VPS13B: variants seen among roughly 807,000 people sequenced by gnomAD.
VPS13B encodes the protein intermembrane lipid transfer protein VPS13B.
In VPS13B, 285 loss-of-function variants were observed where a neutral mutation model predicts 426.4. The ratio of observed to expected loss-of-function variants is 0.67; its 90% CI spans 0.61 to 0.74. VPS13B has a LOEUF of 0.74. Ranked by LOEUF, VPS13B falls within the 30% of genes least tolerant of loss-of-function variation. VPS13B has a pLI of 0.00. For missense variants in VPS13B, 4,537 were observed against 4,782.6 expected, an observed-to-expected ratio of 0.95 and a Z score of 1.51; for synonymous variants, 1,676 against 1,676.4, an observed-to-expected ratio of 1.00 and a Z score of 0.01.
chr8:99,658,349 A>G (rs1303479486), intron 34 of VPS13B, among the ~76,000 whole-genome samples: 1 of 152,166 alleles, frequency 6.6e-6, no homozygotes, highest in Non-Finnish European at 1.5e-5. Context: ...AATCAGTAAG[A>G]AAAAGAACTC....
intron 17 of VPS13B, among the ~76,000 whole-genome samples, chr8:99,225,066 T>C (rs909235599): frequency 1.5e-4 from 23 of 152,228 alleles, no homozygotes; most frequent in Admixed American, 1.3e-3. Context: ...ATTTGTGGGC[T>C]CTTCTCCTTT....
intron 31 of VPS13B, among the ~76,000 whole-genome samples, chr8:99,568,169 G>A (rs1050423374): frequency 2.6e-5 from 4 of 151,780 alleles, no homozygotes; most frequent in African/African-American, 4.8e-5. Context: ...AATAATGAAC[G>A]GTTTTGTAAG....
chr8:99,555,931 A>C (rs569970966), intron 30 of VPS13B, among the ~76,000 whole-genome samples: 53 of 152,294 alleles, frequency 3.5e-4, no homozygotes, highest in African/African-American at 1.2e-3. Flanking sequence ...TAGATTAAGA[A>C]GGCTCCATTA....
Position 99,056,163 on chromosome 8 carries a change from C to T in VPS13B, c.291+17597C>T, listed in dbSNP as rs199756735. 8.6e-5 allele frequency among the ~76,000 whole-genome samples: 13 copies of T among 151,824 alleles called. No homozygotes were observed. The East Asian group carries it at 2.5e-3, about 29-fold the overall frequency. ...CCTCCATCTCCCAGGCTTAAGTGAT[C>T]CTCCCACCCCAGCCTCCCAAGTAGC... On this transcript the variant is annotated intron_variant, in intron 3 of 61. Transcript: ENST00000357162.
rs1354647488 is a variant in VPS13B at position 99,776,918 on chromosome 8, A to T, written c.7391A>T (p.Glu2464Val). Reference sequence around the variant, plus strand: ...GTTTCTTTCCAGTTTGCTCACCTGGAATTCCATCTTTGTCATCACCTTGAC... The same window carrying T: ...GTTTCTTTCCAGTTTGCTCACCTGGTATTCCATCTTTGTCATCACCTTGAC... ...LCVSFQFAHL[E>V]FHLCHHLDQL... Residue 2464 changes from glutamate (E) to valine (V), a missense_variant, in exon 41 of 62, where the codon GAA (glutamate) becomes GTA (valine). Transcript: ENST00000357162. 1 of 1,614,032 alleles carries T rather than the reference A, an allele frequency of 6.2e-7. No individual in the cohort carries two copies. Among genetic ancestry groups the T allele is most frequent in the Admixed American group, 1.7e-5 (1 of 60,008 alleles).
intron 19 of VPS13B, among the ~76,000 whole-genome samples, chr8:99,379,217 A>G (rs547965159): frequency 1.3e-5 from 2 of 152,302 alleles, no homozygotes; most frequent in South Asian, 2.1e-4. Flanking sequence ...ATCCGTGGAA[A>G]AATTGTCTTC....
intron 14 of VPS13B, among the ~76,000 whole-genome samples, chr8:99,149,285 T>A (rs188465386): frequency 1.7e-3 from 252 of 152,374 alleles, no homozygotes; most frequent in Middle Eastern, 6.8e-3. Context: ...TATTGCTTTC[T>A]GAGTTTGACT....
At chr8:99,022,887 A>G (rs182514071) in intron 2 of VPS13B, among the ~76,000 whole-genome samples, 67 of 149,554 alleles carry the variant, frequency 4.5e-4, no homozygotes, top group Non-Finnish European at 5.5e-4. Flanking sequence ...TCTTTTTGGT[A>G]TTGTGGTCCC....
intron 2 of VPS13B, among the ~76,000 whole-genome samples, chr8:99,032,812 T>C (rs541326212): frequency 3.3e-5 from 5 of 152,176 alleles, no homozygotes; most frequent in African/African-American, 1.2e-4. Context: ...AGTGCTGAGA[T>C]TACAGGTGTG....
At chr8:99,492,392 C>G (rs548364439) in intron 25 of VPS13B, among the ~76,000 whole-genome samples, 2 of 152,336 alleles carry the variant, frequency 1.3e-5, no homozygotes, top group African/African-American at 4.8e-5. Flanking sequence ...AACCACCACT[C>G]TCTTTAGAGC....
At chr8:99,584,805 C>T (rs368209792) in intron 33 of VPS13B, among the ~76,000 whole-genome samples, 13 of 152,120 alleles carry the variant, frequency 8.5e-5, no homozygotes, top group East Asian at 3.9e-4. Context: ...GCCTCCTATG[C>T]GTCAAATACT....
intron 33 of VPS13B, among the ~76,000 whole-genome samples, chr8:99,627,125 G>C (rs1331802000): frequency 6.6e-6 from 1 of 152,086 alleles, no homozygotes; most frequent in African/African-American, 2.4e-5. Context: ...GGGGAAAGGA[G>C]GGGATGGGGA....
intron 17 of VPS13B, chr8:99,233,774 CCAAT>C (rs1267857166): frequency 2.6e-6 from 2 of 779,228 alleles, no homozygotes; most frequent in African/African-American, 3.4e-5. Context: ...GCCTTCTTTT[CCAAT>C]CAGTCTTCCA....
intron 19 of VPS13B, among the ~76,000 whole-genome samples, chr8:99,352,153 T>G (rs1210328945): frequency 1.3e-5 from 2 of 152,134 alleles, no homozygotes; most frequent in Non-Finnish European, 1.5e-5. Context: ...GGAAATAGAG[T>G]GGAAGCTACC....
At chr8:99,736,834 T>C (rs974888442) in intron 39 of VPS13B, among the ~76,000 whole-genome samples, 2 of 152,166 alleles carry the variant, frequency 1.3e-5, no homozygotes, top group African/African-American at 2.4e-5. Context: ...AATAATCTCG[T>C]TCAGTCCTCA....
chr8:99,091,502 G>T (rs983521360), intron 3 of VPS13B, among the ~76,000 whole-genome samples: 1 of 152,084 alleles, frequency 6.6e-6, no homozygotes, highest in Non-Finnish European at 1.5e-5. Flanking sequence ...AGAGATTGGT[G>T]CTATATATTC....
chr8:99,512,545 A>G (rs1406529589), intron 29 of VPS13B, among the ~76,000 whole-genome samples: 1 of 152,204 alleles, frequency 6.6e-6, no homozygotes, highest in Non-Finnish European at 1.5e-5. Context: ...ACATTTTTCC[A>G]CAACCTTGGA....
chr8:99,651,867 A>G (rs558844143), intron 34 of VPS13B, among the ~76,000 whole-genome samples: 1 of 152,302 alleles, frequency 6.6e-6, no homozygotes, highest in African/African-American at 2.4e-5. Flanking sequence ...AGGGAATTTA[A>G]CTAACTCCTT....
At chr8:99,417,638 A>G (rs1816099711) in intron 21 of VPS13B, among the ~76,000 whole-genome samples, 1 of 152,166 alleles carries the variant, frequency 6.6e-6, no homozygotes. Context: ...TAATCTATAT[A>G]TAACTTGAAC....
Sources: gnomAD v4.1 joint callset for allele counts (sites outside exome capture counted in the v4.1 genomes callset) on GRCh38, gnomAD v4.1.1 for gene constraint, MANE v1.5 for transcripts, NCBI Gene and HGNC (gene_info 2026-07-23, HGNC 2026-07-21) for gene names.